GTF3C1: variants seen among roughly 807,000 people sequenced by gnomAD.
GTF3C1 encodes the protein general transcription factor 3C polypeptide 1.
A neutral mutation model predicts 226.7 loss-of-function variants in GTF3C1; 57 were observed. That is an observed-to-expected ratio of 0.25 (90% CI 0.20 to 0.31). The LOEUF (loss-of-function observed/expected upper bound fraction) is 0.31. Ranked by LOEUF, GTF3C1 falls within the 10% of genes least tolerant of loss-of-function variation. The pLI is 1.00. For synonymous variants in GTF3C1, 1,090 were observed against 1,084.8 expected (o/e 1.00, Z -0.09); for missense variants, 2,217 against 2,776.1 (o/e 0.80, Z 4.53).
At chr16:27,487,050 AT>A (rs2088150782) in intron 23 of GTF3C1, among the ~76,000 whole-genome samples, 1 of 152,222 alleles carries the variant, frequency 6.6e-6, no homozygotes, top group African/African-American at 2.4e-5. Context: ...CAGACACCAT[AT>A]GCCACTGCCA....
chr16:27,474,670 T>TA (rs1160482939), intron 29 of GTF3C1, among the ~76,000 whole-genome samples: 1 of 152,358 alleles, frequency 6.6e-6, no homozygotes, highest in Admixed American at 6.5e-5. Context: ...CACCCAATAC[T>TA]ATTTATTCTT....
rs191037472 is a variant in GTF3C1, at chr16:27,500,798, A to G, written c.2061+393T>C. 2.0e-5 allele frequency among the ~76,000 whole-genome samples: 3 copies of G among 152,374 alleles called. No homozygotes were observed. The East Asian group carries it at 5.8e-4, about 29-fold the overall frequency. On this transcript the variant is annotated intron_variant, in intron 12 of 36. Transcript: ENST00000356183. ...CCGGCAGCGCATCCTCACTGACTCA[A>G]TGCCATTGCTTCCTCTGGGATGTTG...
intron 25 of GTF3C1, chr16:27,483,566 C>G: frequency 2.3e-6 from 1 of 432,046 alleles, no homozygotes; most frequent in East Asian, 7.1e-5. Flanking sequence ...ATAAGGAGAG[C>G]CTGACTTGCC....
At chr16:27,525,202 A>AAAGAAAAGAT (rs1284574172) in intron 6 of GTF3C1, among the ~76,000 whole-genome samples, 1 of 151,924 alleles carries the variant, frequency 6.6e-6, no homozygotes, top group African/African-American at 2.4e-5. Context: ...AAAGAAAAGA[A>AAAGAAAAGAT]AAGATCAAAT....
Position 27,470,001 on chromosome 16 carries a change from C to T in GTF3C1, c.4814+107G>A. ...ATAATCCCCAGTCACTCATCTGCAA[C>T]TCCCATCCCACAAGCTCCCAGAAGG... is the stretch of plus-strand genomic sequence containing the variant. On this transcript the variant is annotated intron_variant, in intron 31 of 36. Coordinates refer to ENST00000356183, the MANE Select transcript of GTF3C1 (RefSeq NM_001520.4). The surrounding 1 kb of genome is among the most constrained non-coding windows in gnomAD (Gnocchi z 4.9). 1.1e-6 allele frequency: 1 copy of T among 875,042 alleles called. No homozygotes were observed. Among genetic ancestry groups the T allele is most frequent in the Non-Finnish European group, 1.8e-6 (1 of 552,070 alleles). The allele number at this position is 875,042 out of a possible 1,614,324, so 54.2% of individuals were successfully genotyped here.
Position 27,484,201 on chromosome 16 carries a change from T to A in GTF3C1, c.4001+10A>T. ...GTGTCCCGGAGTGACGGGGCTTCAA[T>A]GAGGCTTACTTATAGTTGAGATAGG... is the stretch of plus-strand genomic sequence containing the variant. On this transcript the variant is annotated intron_variant, in intron 25 of 36. Coordinates refer to ENST00000356183, the MANE Select transcript of GTF3C1 (RefSeq NM_001520.4). 1 of 1,592,502 alleles carries A rather than the reference T, an allele frequency of 6.3e-7. No individual in the cohort carries two copies. Among genetic ancestry groups the A allele is most frequent in the African/African-American group, 1.3e-5 (1 of 74,622 alleles).
rs1300495561 is a variant in GTF3C1 at position 27,492,513 on chromosome 16, G to T, written c.2976C>A (p.Val992=). Residue 992 remains valine (V), a splice_region_variant and synonymous_variant, in exon 19 of 37, where the codon GTC becomes GTA. Coordinates refer to ENST00000356183, the MANE Select transcript of GTF3C1 (RefSeq NM_001520.4). This position sits in a 1 kb window ranked among gnomAD's most constrained non-coding sequence, Gnocchi z 5.0. ...PTEKFQDKDQ[V]FIFLKKNAVI... is the part of the protein sequence containing the mutation. The stretch of plus-strand genomic sequence containing the variant: ...CTGCATTCTTCTTCAAGAAGATAAA[G>T]ACCTAAGGGGAGACACCAGACAGGG... 1.2e-6 allele frequency: 2 copies of T among 1,610,044 alleles called. No individual in the cohort carries two copies. Among genetic ancestry groups the T allele is most frequent in the Non-Finnish European group, 8.5e-7 (1 of 1,176,384 alleles).
intron 2 of GTF3C1, among the ~76,000 whole-genome samples, chr16:27,539,362 T>C (rs189724920): frequency 6.6e-6 from 1 of 152,318 alleles, no homozygotes; most frequent in African/African-American, 2.4e-5. Context: ...GCAAAAGGCA[T>C]GTGAGGACAG....
intron 10 of GTF3C1, among the ~76,000 whole-genome samples, chr16:27,504,218 T>C (rs779521153): frequency 2.6e-5 from 4 of 152,164 alleles, no homozygotes; most frequent in Non-Finnish European, 4.4e-5. Flanking sequence ...ACTCTGGGAA[T>C]GGACTTCCAT....
chr16:27,495,381 T>C lies in GTF3C1; in HGVS notation c.2462A>G (p.Glu821Gly). 6.2e-7 allele frequency: 1 copy of C among 1,614,142 alleles called. No individual in the cohort carries two copies. ...CCGTTCACTGATGAAGCTTGGCTTCTCCACGGTGTTGCTGGCAGGGTGCCC... is the reference window on the plus strand; with the variant it reads ...CCGTTCACTGATGAAGCTTGGCTTCCCCACGGTGTTGCTGGCAGGGTGCCC... ...IYGHPASNTV[E>G]KPSFISERRT... Residue 821 changes from glutamate to glycine, a missense_variant, in exon 15 of 37, where the codon GAG (glutamate) becomes GGG (glycine). Physicochemically the swap from Glu to Gly is moderately conservative, Grantham distance 98 (BLOSUM62 -2). This residue lies in a region of GTF3C1 where 353 missense variants were observed against 411.7 expected (regional missense o/e 0.86). Coordinates refer to ENST00000356183, the MANE Select transcript of GTF3C1 (RefSeq NM_001520.4).
chr16:27,542,102 TG>T (rs1474386835), intron 2 of GTF3C1, among the ~76,000 whole-genome samples: 127 of 152,270 alleles, frequency 8.3e-4, no homozygotes, highest in African/African-American at 2.9e-3. Context: ...ACCTCTGCCT[TG>T]TGTGGTCAGG....
chr16:27,484,177 T>C, intron 25 of GTF3C1, 34 bp downstream of exon 25: 1 of 1,516,110 alleles, frequency 6.6e-7, no homozygotes, highest in Non-Finnish European at 9.2e-7. Flanking sequence ...AACGTAACCG[T>C]GTCCCGGAGT....
intron 6 of GTF3C1, among the ~76,000 whole-genome samples, chr16:27,527,145 C>T (rs1312316254): frequency 6.6e-6 from 1 of 152,210 alleles, no homozygotes; most frequent in Non-Finnish European, 1.5e-5. Context: ...GAGATCAAGG[C>T]TGTGGTGAGC....
At chr16:27,506,241 A>C (rs1042127058) in intron 9 of GTF3C1, 125 bp from the exon 10 acceptor site, 1 of 610,536 alleles carries the variant, frequency 1.6e-6, no homozygotes. Context: ...AGGTGAGGGA[A>C]GTGGACCAGC....
chr16:27,513,430 G>C (rs1485732060), intron 6 of GTF3C1, among the ~76,000 whole-genome samples: 1 of 152,184 alleles, frequency 6.6e-6, no homozygotes, highest in African/African-American at 2.4e-5. Context: ...CTCCAGCCTA[G>C]GTGACAGAGT....
At chr16:27,472,756 G>T (rs1164497901) in intron 29 of GTF3C1, among the ~76,000 whole-genome samples, 1 of 152,218 alleles carries the variant, frequency 6.6e-6, no homozygotes, top group African/African-American at 2.4e-5. Flanking sequence ...TCAACATTCA[G>T]GGCTCAGCCC....
rs1230566745 is a variant in GTF3C1 at position 27,483,787 on chromosome 16, T to C, written c.4001+424A>G. Among the ~76,000 whole-genome samples the C allele has an allele frequency of 1.3e-5, 2 of 152,154 alleles. 1 individual carries two copies. Among genetic ancestry groups the C allele is most frequent in the East Asian group, 3.9e-4 (2 of 5,190 alleles). On this transcript the variant is annotated intron_variant, in intron 25 of 36. Coordinates refer to ENST00000356183, the MANE Select transcript of GTF3C1 (RefSeq NM_001520.4). ...ACATGGCAGAGGGCATCCTGTCCAA[T>C]GATCCCAGGTCCTGCCTAGCTTGCT...
At chr16:27,518,018 A>T (rs1350173609) in intron 6 of GTF3C1, among the ~76,000 whole-genome samples, 1 of 152,208 alleles carries the variant, frequency 6.6e-6, no homozygotes, top group East Asian at 1.9e-4. Flanking sequence ...GCTTCCTGGC[A>T]AAATGGCGCT....
In GTF3C1 at chr16:27,507,840, C is replaced by T. The variant is rs116116889; in HGVS notation, c.1243-684G>A. Among the ~76,000 whole-genome samples the T allele has an allele frequency of 7.8e-3, 1,182 of 152,308 alleles. 17 individuals carry two copies. Among genetic ancestry groups the T allele is most frequent in the African/African-American group, 0.027 (1,126 of 41,562 alleles). The stretch of plus-strand genomic sequence containing the variant: ...GCCAGACAGGCATAGCTGGCCAACT[C>T]GATGTCCCCAGGTGCCAGGCAAGTA... On this transcript the variant is annotated intron_variant, in intron 8 of 36. Coordinates refer to ENST00000356183, the MANE Select transcript of GTF3C1 (RefSeq NM_001520.4). This position sits in a 1 kb window ranked among gnomAD's most constrained non-coding sequence, Gnocchi z 4.9.
Sources: gnomAD v4.1 joint callset for allele counts (sites outside exome capture counted in the v4.1 genomes callset) on GRCh38, gnomAD v4.1.1 for gene constraint, gnomAD v4.1.1 regional missense constraint, Gnocchi (gnomAD v3.1) non-coding constraint, MANE v1.5 for transcripts, NCBI Gene and HGNC (gene_info 2026-07-23, HGNC 2026-07-21) for gene names.